The following ANKRD13C variants were observed in gnomAD, a reference collection of about 807,000 sequenced individuals.
ANKRD13C encodes ankyrin repeat domain-containing protein 13C.
A neutral mutation model predicts 65.5 loss-of-function variants in ANKRD13C; 16 were observed. That is an observed-to-expected ratio of 0.24 (90% confidence interval 0.17 to 0.37). The LOEUF (loss-of-function observed/expected upper bound fraction) is 0.37. Ranked by LOEUF, ANKRD13C falls within the 10% of genes least tolerant of loss-of-function variation. The pLI, the probability that ANKRD13C is intolerant of heterozygous loss-of-function variation, is 1.00. For missense variants in ANKRD13C, 503 were observed against 655.9 expected, an observed-to-expected ratio of 0.77 and a Z score of 2.55; for synonymous variants, 235 against 238.7, an observed-to-expected ratio of 0.98 and a Z score of 0.14.
chr1:70,261,893 A>G lies in ANKRD13C; in HGVS notation c.*824T>C, dbSNP rs1429827889. On this transcript the variant is annotated 3_prime_UTR_variant, in exon 13 of 13. Transcript: ENST00000370944. ...AAGTGCTGAGATTTGGAAGAGGAAT[A>G]TCTTTAAACATGCTAACCATTACCT... 3 of 152,468 alleles carry G rather than the reference A, an allele frequency of 2.0e-5. No individual in the cohort carries two copies. The East Asian group carries it at 5.8e-4, about 29-fold the overall frequency. 9.4% of individuals were successfully genotyped at this position (152,468 alleles called of 1,614,324 possible).
chr1:70,299,377 T>C (rs759973636), intron 7 of ANKRD13C, among the ~76,000 whole-genome samples: 3 of 152,198 alleles, frequency 2.0e-5, no homozygotes, highest in Non-Finnish European at 2.9e-5. Flanking sequence ...ATGGGGAACT[T>C]TTTAAGTATC....
intron 5 of ANKRD13C, among the ~76,000 whole-genome samples, chr1:70,312,096 CAG>C (rs1177924045): frequency 1.1e-4 from 16 of 152,104 alleles, no homozygotes; most frequent in Non-Finnish European, 2.2e-4. Flanking sequence ...CAGAAGAAAT[CAG>C]AAGATGTAAG....
chr1:70,353,497 AAAAG>A (rs1432769505), intron 1 of ANKRD13C, among the ~76,000 whole-genome samples: 1 of 152,242 alleles, frequency 6.6e-6, no homozygotes, highest in Admixed American at 6.5e-5. Context: ...AAGCAGACAA[AAAAG>A]AAACAACCTG....
chr1:70,312,446 G>A (rs1680889024), intron 5 of ANKRD13C, among the ~76,000 whole-genome samples: 1 of 150,966 alleles, frequency 6.6e-6, no homozygotes. Flanking sequence ...TAGCAGCACT[G>A]GATGGGGCTA....
intron 5 of ANKRD13C, among the ~76,000 whole-genome samples, chr1:70,312,053 T>G (rs1488134831): frequency 2.0e-5 from 3 of 152,222 alleles, no homozygotes; most frequent in African/African-American, 4.8e-5. Context: ...TAAGTGCTAA[T>G]GGACTTCAGA....
At chr1:70,339,224 A>AG (rs71583112) in intron 1 of ANKRD13C, among the ~76,000 whole-genome samples, 5 of 151,524 alleles carry the variant, frequency 3.3e-5, no homozygotes, top group Non-Finnish European at 7.4e-5. Flanking sequence ...AAAAAAAAAA[A>AG]GCAAACAAAC....
chr1:70,328,938 T>A (rs1681665539), intron 2 of ANKRD13C, among the ~76,000 whole-genome samples: 2 of 152,150 alleles, frequency 1.3e-5, no homozygotes, highest in African/African-American at 4.8e-5. Flanking sequence ...TATGTATACA[T>A]GTATAGGGGA....
chr1:70,314,343 C>T (rs1289869004), intron 4 of ANKRD13C, among the ~76,000 whole-genome samples: 1 of 151,856 alleles, frequency 6.6e-6, no homozygotes, highest in Admixed American at 6.6e-5. Context: ...CCCAGCCTCC[C>T]AAGTAGCTGG....
At chr1:70,328,327 T>C (rs962425801) in intron 2 of ANKRD13C, among the ~76,000 whole-genome samples, 5 of 152,240 alleles carry the variant, frequency 3.3e-5, no homozygotes, top group African/African-American at 9.6e-5. Flanking sequence ...ATAGAATTCA[T>C]CTGCTCAACA....
intron 1 of ANKRD13C, among the ~76,000 whole-genome samples, chr1:70,349,954 G>C (rs56211824): frequency 1.3e-5 from 2 of 151,990 alleles, no homozygotes; most frequent in African/African-American, 4.8e-5. Context: ...TGGCCAACAC[G>C]GTGAAACCCT....
rs146268152 is a variant in ANKRD13C, at chr1:70,279,286, G to A, written c.1216-2442C>T. ...TTTTCTCTACCCTCCGTTTTCTGCC[G>A]AACTACAGAGTATAAATTTTGCTTC... is the stretch of plus-strand genomic sequence containing the variant. On this transcript the variant is annotated intron_variant, in intron 9 of 12. Coordinates refer to ENST00000370944, the MANE Select transcript of ANKRD13C (RefSeq NM_030816.5). Among the ~76,000 whole-genome samples the A allele has an allele frequency of 9.9e-5, 15 of 152,100 alleles. No individual in the cohort carries two copies. In the East Asian group the frequency reaches 1.6e-3, roughly 16 times the overall value.
chr1:70,300,734 A>C, intron 7 of ANKRD13C, 30 bp downstream of exon 7: 1 of 1,530,434 alleles, frequency 6.5e-7, no homozygotes, highest in Non-Finnish European at 8.8e-7. Context: ...TTAATGATTT[A>C]AAGGAATATT....
At chr1:70,330,202 T>A (rs1681723434) in intron 2 of ANKRD13C, among the ~76,000 whole-genome samples, 1 of 151,720 alleles carries the variant, frequency 6.6e-6, no homozygotes, top group African/African-American at 2.4e-5. Context: ...AAAGAATGCA[T>A]AAATGTGCCA....
intron 5 of ANKRD13C, among the ~76,000 whole-genome samples, chr1:70,309,245 T>C (rs1680730570): frequency 6.6e-6 from 1 of 151,662 alleles, no homozygotes. Flanking sequence ...ACCTAATTTT[T>C]GTATTTTTAG....
chr1:70,289,525 C>T (rs1250303352), intron 9 of ANKRD13C, among the ~76,000 whole-genome samples: 2 of 151,860 alleles, frequency 1.3e-5, no homozygotes, highest in African/African-American at 2.4e-5. Context: ...AGTGCAGTGG[C>T]ACGATCTCCG....
chr1:70,350,564 A>C lies in ANKRD13C; in HGVS notation c.430+3415T>G, dbSNP rs901343593. Among the ~76,000 whole-genome samples the C allele has an allele frequency of 7.9e-5, 12 of 152,254 alleles. 1 individual carries two copies. On this transcript the variant is annotated intron_variant, in intron 1 of 12. Coordinates refer to ENST00000370944, the MANE Select transcript of ANKRD13C (RefSeq NM_030816.5). ...GGCTAAGAGATCTGGGCTCCACAGA[A>C]AAACCTGAGCTGTCCAATGGTAGAA...
intron 3 of ANKRD13C, among the ~76,000 whole-genome samples, chr1:70,316,959 A>G (rs1436614469): frequency 2.0e-5 from 3 of 152,160 alleles, no homozygotes; most frequent in Non-Finnish European, 4.4e-5. Flanking sequence ...AATTATTTTT[A>G]CTATTTCACA....
chr1:70,327,832 A>AG (rs1237976830), intron 2 of ANKRD13C, among the ~76,000 whole-genome samples: 2 of 152,136 alleles, frequency 1.3e-5, no homozygotes, highest in South Asian at 2.1e-4. Context: ...TGGGAGGCCA[A>AG]GGGGGGCGGA....
intron 1 of ANKRD13C, among the ~76,000 whole-genome samples, chr1:70,349,405 A>G (rs1235152200): frequency 2.0e-5 from 3 of 152,154 alleles, no homozygotes; most frequent in African/African-American, 7.2e-5. Context: ...TGAATACAAC[A>G]TATACATGAT....
Sources: allele counts gnomAD v4.1 joint callset (sites outside exome capture counted in the v4.1 genomes callset), GRCh38; gene constraint gnomAD v4.1.1; transcripts MANE v1.5; gene names NCBI Gene and HGNC (gene_info 2026-07-23, HGNC 2026-07-21).